Variants in ZNF273 observed in about 807,000 individuals in gnomAD.
ZNF273 encodes the protein zinc finger protein 273.
Under a neutral mutation model 14.9 loss-of-function variants are expected in ZNF273, and 11 were observed. The ratio of observed to expected loss-of-function variants is 0.74; its 90% CI spans 0.46 to 1.22. The LOEUF is 1.22. ZNF273 is among the 50% of genes most tolerant of loss of function. The probability of loss-of-function intolerance (pLI) is 0.00; values close to 1 mark genes in which losing one functional copy is unlikely to be tolerated. For synonymous variants in ZNF273, 199 were observed against 223.9 expected, an observed-to-expected ratio of 0.89 and a Z score of 0.99; for missense variants, 577 against 660.6, an observed-to-expected ratio of 0.87 and a Z score of 1.39.
Position 64,929,187 on chromosome 7 carries a change from A to G in ZNF273, c.*149A>G. 1.6e-6 allele frequency: 1 copy of G among 608,866 alleles called. No individual in the cohort carries two copies. Among genetic ancestry groups the G allele is most frequent in the Admixed American group, 3.6e-5 (1 of 28,006 alleles). 37.7% of individuals were successfully genotyped at this position (608,866 alleles called of 1,614,324 possible). A position where few individuals can be genotyped will look rare whatever the true frequency, so the allele number is the denominator to read the frequency against. ...TTGAGAAAAATTGTATAAAGAATGG[A>G]AAAGTCATTAATATCTGCTCATATC... On this transcript the variant is annotated 3_prime_UTR_variant, in exon 4 of 4. Transcript: ENST00000476120.
chr7:64,919,888 A>G (rs1314809947), intron 3 of ZNF273, among the ~76,000 whole-genome samples: 1 of 151,586 alleles, frequency 6.6e-6, no homozygotes, highest in African/African-American at 2.4e-5. Flanking sequence ...ATTTGTCCTC[A>G]ATTTCAATGG....
downstream of ZNF273, among the ~76,000 whole-genome samples, chr7:64,890,504 C>T (rs1791941362): frequency 1.3e-5 from 2 of 152,108 alleles, no homozygotes; most frequent in Non-Finnish European, 2.9e-5. Context: ...AGGACGAACT[C>T]CCTTCCCAAC....
At position 64,927,942 on chromosome 7, in the gene ZNF273, C is replaced by T. The variant is rs1584014994; in HGVS notation, c.614C>T (p.Pro205Leu). The change falls in exon 4 of 4, where the codon CCT (proline) becomes CTT (leucine). Residue 205 changes from proline (P) to leucine (L), a missense_variant. Pro to Leu is a moderately conservative substitution (Grantham distance 98). Transcript: ENST00000476120. ...IHKKRQTGKK[P>L]FKCKECGKSC... ...AAGAAAAGACAAACTGGAAAGAAAC[C>T]TTTCAAATGTAAAGAATGTGGCAAA... 6.2e-7 allele frequency: 1 copy of T among 1,613,556 alleles called. No homozygotes were observed. The highest frequency in any genetic ancestry group is 1.3e-5 in the African/African-American group (1 of 74,984).
At chr7:64,888,391 C>A in intron 1 of ZNF273, 9 of 985,430 alleles carry the variant, frequency 9.1e-6, no homozygotes, top group South Asian at 4.7e-5. Context: ...GGAGAGAGAG[C>A]GAGCTGTAAG....
intron 3 of ZNF273, among the ~76,000 whole-genome samples, chr7:64,925,707 G>A (rs1294461084): frequency 6.6e-6 from 1 of 151,722 alleles, no homozygotes; most frequent in Non-Finnish European, 1.5e-5. Flanking sequence ...CAAAGTGCTG[G>A]AATTACAGGC....
chr7:64,905,589 G>A (rs1793054136), intron 1 of ZNF273, among the ~76,000 whole-genome samples: 1 of 151,688 alleles, frequency 6.6e-6, no homozygotes, highest in Non-Finnish European at 1.5e-5. Context: ...TAACATTTGT[G>A]AAAGAAAAAA....
In ZNF273 at chr7:64,927,777, G is replaced by A. The variant is rs759822240; in HGVS notation, c.449G>A (p.Cys150Tyr). ...GHENLQLRKG[C>Y]KSADEHKVHK... ...GAGAATTTACAATTAAGAAAAGGCTGTAAAAGTGCGGATGAGCATAAGGTG... is the reference window on the plus strand; with the variant it reads ...GAGAATTTACAATTAAGAAAAGGCTATAAAAGTGCGGATGAGCATAAGGTG... Residue 150 changes from cysteine (C) to tyrosine (Y), a missense_variant, in exon 4 of 4, where the codon TGT becomes TAT. Coordinates refer to ENST00000476120, the MANE Select transcript of ZNF273 (RefSeq NM_021148.3). The A allele has an allele frequency of 2.0e-5, 33 of 1,613,840 alleles. No homozygotes were observed. The highest frequency in any genetic ancestry group is 2.8e-5 in the Non-Finnish European group (33 of 1,179,932).
chr7:64,902,500 C>T (rs1317211317), upstream of ZNF273, among the ~76,000 whole-genome samples: 1 of 152,174 alleles, frequency 6.6e-6, no homozygotes, highest in African/African-American at 2.4e-5. Context: ...GAAGCCGAGG[C>T]GGGTGGATCA....
downstream of ZNF273, chr7:64,933,303 G>A (rs541144040): frequency 2.6e-5 from 4 of 152,222 alleles, no homozygotes; most frequent in African/African-American, 9.6e-5. Context: ...TTTTTTGGTT[G>A]GTGAAGTTCA....
chr7:64,917,519 A>G (rs1340873246), intron 1 of ZNF273, 62 bp from the exon 2 acceptor site: 4 of 1,558,724 alleles, frequency 2.6e-6, no homozygotes, highest in African/African-American at 1.4e-5. Flanking sequence ...ACCTTGAGTC[A>G]AATTAAATAT....
In ZNF273 at chr7:64,909,477, C is replaced by T. The variant is rs188642519; in HGVS notation, c.102+6058C>T. ...CTCCTGACCTCAAGTGATCTGCCTA[C>T]CTTGGCCCCCCAAAGTGCTGGGATT... On this transcript the variant is annotated intron_variant, in intron 1 of 3. Coordinates refer to ENST00000476120, the MANE Select transcript of ZNF273 (RefSeq NM_021148.3). Among the ~76,000 whole-genome samples the T allele has an allele frequency of 2.6e-5, 4 of 152,210 alleles. No homozygotes were observed. The South Asian group carries it at 8.3e-4, about 32-fold the overall frequency.
chr7:64,879,041 T>C (rs1026123998), intron 2 of ZNF273, among the ~76,000 whole-genome samples: 12 of 152,224 alleles, frequency 7.9e-5, no homozygotes, highest in African/African-American at 2.7e-4. Context: ...GGCTACATGA[T>C]TCCTATAGTA....
At chr7:64,884,650 T>C (rs1179354407), downstream of ZNF273, among the ~76,000 whole-genome samples, 3 of 152,142 alleles carry the variant, frequency 2.0e-5, no homozygotes, top group Non-Finnish European at 4.4e-5. Flanking sequence ...GACACCCTCC[T>C]CTGGGGTCTC....
chr7:64,928,926 A>G lies in ZNF273; in HGVS notation c.1598A>G (p.Lys533Arg), dbSNP rs764476594. Residue 533 changes from lysine (K) to arginine (R), a missense_variant, in exon 4 of 4, where the codon AAG becomes AGG. Transcript: ENST00000476120. ...FNRSSNLTRH[K>R]KIHTGEKPYK... ...CGGTCCTCAAACCTTACTCGACATA[A>G]GAAAATTCATACTGGAGAGAAACCA... 12 of 1,613,850 alleles carry G rather than the reference A, an allele frequency of 7.4e-6. No homozygotes were observed. In the South Asian group the frequency reaches 1.3e-4, roughly 18 times the overall value.
upstream of ZNF273, among the ~76,000 whole-genome samples, chr7:64,898,614 G>T (rs1177605691): frequency 3.3e-5 from 5 of 152,348 alleles, no homozygotes; most frequent in East Asian, 9.6e-4. Context: ...AAGCCTTTGT[G>T]AGGTAGAGTA....
chr7:64,895,665 A>G (rs936039678), intron 3 of ZNF273, among the ~76,000 whole-genome samples: 3 of 152,248 alleles, frequency 2.0e-5, no homozygotes, highest in South Asian at 2.1e-4. Flanking sequence ...ACAAGAATTT[A>G]GACAAAAATA....
intron 3 of ZNF273, among the ~76,000 whole-genome samples, chr7:64,922,797 T>C (rs1164292355): frequency 6.6e-6 from 1 of 151,888 alleles, no homozygotes; most frequent in Non-Finnish European, 1.5e-5. Flanking sequence ...AAACCCTGTC[T>C]CTACTAAAAA....
downstream of ZNF273, among the ~76,000 whole-genome samples, chr7:64,880,572 G>GC (rs1415504340): frequency 3.9e-5 from 6 of 152,210 alleles, no homozygotes; most frequent in Admixed American, 3.3e-4. Flanking sequence ...AAGCACTGCA[G>GC]CCCTTTTTTT....
intron 1 of ZNF273, among the ~76,000 whole-genome samples, chr7:64,911,852 T>C (rs1050946434): frequency 7.2e-5 from 11 of 152,222 alleles, no homozygotes; most frequent in African/African-American, 2.7e-4. Context: ...AACTTTTTGA[T>C]GTGAGCATTT....
Sources: gnomAD v4.1 joint callset for allele counts (sites outside exome capture counted in the v4.1 genomes callset) on GRCh38, gnomAD v4.1.1 for gene constraint, MANE v1.5 for transcripts, NCBI Gene and HGNC (gene_info 2026-07-23, HGNC 2026-07-21) for gene names.